Variants in SLC25A21 observed in about 807,000 individuals in gnomAD.
The protein encoded by SLC25A21 is mitochondrial 2-oxodicarboxylate carrier.
In SLC25A21, 47 loss-of-function variants were observed where a neutral mutation model predicts 43.8. That is an observed-to-expected ratio of 1.07 (90% CI 0.85 to 1.37). The LOEUF is 1.37. SLC25A21 is among the 40% of genes most tolerant of loss of function. The probability of loss-of-function intolerance (pLI) is 0.00; values close to 1 mark genes in which losing one functional copy is unlikely to be tolerated. For missense variants in SLC25A21, 352 were observed against 350.2 expected (o/e 1.00, Z -0.04); for synonymous variants, 131 against 121.3 (o/e 1.08, Z -0.52).
chr14:36,940,702 T>G (rs922175724), intron 1 of SLC25A21, among the ~76,000 whole-genome samples: 1 of 152,154 alleles, frequency 6.6e-6, no homozygotes, highest in African/African-American at 2.4e-5. Context: ...ACTGAAATCT[T>G]TTCATTGAAC....
intron 2 of SLC25A21, among the ~76,000 whole-genome samples, chr14:36,835,512 C>T (rs1400545551): frequency 6.6e-6 from 1 of 152,164 alleles, no homozygotes; most frequent in Non-Finnish European, 1.5e-5. Context: ...AGAAACCTTT[C>T]ATTGGTCATA....
At chr14:36,921,053 T>C (rs568599137) in intron 1 of SLC25A21, among the ~76,000 whole-genome samples, 24 of 152,234 alleles carry the variant, frequency 1.6e-4, no homozygotes, top group South Asian at 1.2e-3. Context: ...GGTGGATCTC[T>C]TTGCTTTTAA....
intron 2 of SLC25A21, among the ~76,000 whole-genome samples, chr14:36,858,266 C>T (rs2138527008): frequency 6.6e-6 from 1 of 152,282 alleles, no homozygotes; most frequent in South Asian, 2.1e-4. Context: ...CCCTCCAGAG[C>T]CTTGTATGCA....
intron 1 of SLC25A21, among the ~76,000 whole-genome samples, chr14:37,084,100 C>G (rs1306876502): frequency 6.6e-6 from 1 of 152,156 alleles, no homozygotes; most frequent in Non-Finnish European, 1.5e-5. Context: ...TCAGAAGTGC[C>G]ACAGCTTGAA....
chr14:37,103,657 C>T (rs905006418), intron 1 of SLC25A21, among the ~76,000 whole-genome samples: 1 of 152,132 alleles, frequency 6.6e-6, no homozygotes, highest in African/African-American at 2.4e-5. Flanking sequence ...TCTTTCTCTG[C>T]CACTTCAAAT....
At chr14:36,788,227 T>C (rs1292935930) in intron 3 of SLC25A21, among the ~76,000 whole-genome samples, 8 of 152,086 alleles carry the variant, frequency 5.3e-5, no homozygotes, top group Non-Finnish European at 1.0e-4. Flanking sequence ...ACTATGAGCT[T>C]AATGGCTGAT....
chr14:37,156,831 T>C (rs1204371979), intron 1 of SLC25A21, among the ~76,000 whole-genome samples: 1 of 152,154 alleles, frequency 6.6e-6, no homozygotes, highest in African/African-American at 2.4e-5. Context: ...ACAGTAACAG[T>C]GGAAGACTTC....
At chr14:36,690,257 T>G (rs1018137221) in intron 7 of SLC25A21, among the ~76,000 whole-genome samples, 2 of 152,196 alleles carry the variant, frequency 1.3e-5, no homozygotes, top group East Asian at 3.8e-4. Flanking sequence ...TTTTTCACAC[T>G]GTTAAGAGTA....
intron 3 of SLC25A21, among the ~76,000 whole-genome samples, chr14:36,740,562 T>G (rs905820775): frequency 6.6e-6 from 1 of 152,188 alleles, no homozygotes; most frequent in African/African-American, 2.4e-5. Flanking sequence ...AGCTCACACA[T>G]AGCTTATTTG....
chr14:36,824,434 T>G (rs1420546492), intron 2 of SLC25A21, among the ~76,000 whole-genome samples: 1 of 152,164 alleles, frequency 6.6e-6, no homozygotes, highest in Non-Finnish European at 1.5e-5. Context: ...TTCAAAAGCA[T>G]TTCATGGATG....
intron 1 of SLC25A21, among the ~76,000 whole-genome samples, chr14:37,077,024 T>TA (rs1449717402): frequency 6.6e-6 from 1 of 152,208 alleles, no homozygotes; most frequent in East Asian, 1.9e-4. Context: ...TCTGATGGCA[T>TA]AAAAAATTTG....
intron 1 of SLC25A21, among the ~76,000 whole-genome samples, chr14:36,915,645 A>T (rs1469321564): frequency 6.6e-6 from 1 of 152,054 alleles, no homozygotes; most frequent in Admixed American, 6.6e-5. Context: ...GGAACATCTG[A>T]CTTTAATTGA....
At position 36,788,516 on chromosome 14, in the gene SLC25A21, A is replaced by C. The variant is rs553230074; in HGVS notation, c.203+25402T>G. On this transcript the variant is annotated intron_variant, in intron 3 of 9. Coordinates refer to ENST00000331299, the MANE Select transcript of SLC25A21 (RefSeq NM_030631.4). ...GCCCACCCCCTTTACGGATCACCTGAGCCCAAGCACCAGGCCGCCCTTTAA... is the reference window on the plus strand; with the variant it reads ...GCCCACCCCCTTTACGGATCACCTGCGCCCAAGCACCAGGCCGCCCTTTAA... The C allele has an allele frequency of 5.4e-5, 8 of 148,842 alleles. No individual in the cohort carries two copies. In the East Asian group the frequency reaches 1.4e-3, roughly 26 times the overall value. 9.2% of individuals were successfully genotyped at this position (148,842 alleles called of 1,614,324 possible). A position where few individuals can be genotyped will look rare whatever the true frequency, so the allele number is the denominator to read the frequency against.
At chr14:37,088,851 C>G (rs1962531542) in intron 1 of SLC25A21, among the ~76,000 whole-genome samples, 1 of 152,170 alleles carries the variant, frequency 6.6e-6, no homozygotes, top group Non-Finnish European at 1.5e-5. Flanking sequence ...AGAATACTAA[C>G]CAGCATTATT....
At chr14:37,038,845 C>A (rs1961382732) in intron 1 of SLC25A21, among the ~76,000 whole-genome samples, 2 of 152,138 alleles carry the variant, frequency 1.3e-5, no homozygotes, top group South Asian at 4.1e-4. Flanking sequence ...AGCCTGACGT[C>A]CTGTGGCCCC....
Position 37,051,298 on chromosome 14 carries a change from G to A in SLC25A21, c.70+120983C>T, listed in dbSNP as rs572176911. ...AAGGGGCAGAAGGAATATTGTTTGT[G>A]ACAGACTAGGGGCTTGGAACAGCAT... On this transcript the variant is annotated intron_variant, in intron 1 of 9. Transcript: ENST00000331299. Among the ~76,000 whole-genome samples the A allele has an allele frequency of 2.6e-5, 4 of 152,302 alleles. No homozygotes were observed. The East Asian group carries it at 7.7e-4, about 29-fold the overall frequency.
intron 6 of SLC25A21, among the ~76,000 whole-genome samples, chr14:36,721,539 G>A (rs1884374295): frequency 6.6e-6 from 1 of 152,228 alleles, no homozygotes; most frequent in Non-Finnish European, 1.5e-5. Flanking sequence ...AAAGTGTAAT[G>A]AGAACTTCAG....
chr14:36,988,875 T>C (rs1484951474), intron 1 of SLC25A21, among the ~76,000 whole-genome samples: 1 of 152,178 alleles, frequency 6.6e-6, no homozygotes, highest in Non-Finnish European at 1.5e-5. Context: ...TTGAAGTCTG[T>C]CAGTTACCTG....
At chr14:36,760,886 G>A (rs1253791691) in intron 3 of SLC25A21, among the ~76,000 whole-genome samples, 1 of 151,526 alleles carries the variant, frequency 6.6e-6, no homozygotes, top group Non-Finnish European at 1.5e-5. Flanking sequence ...AAAGAGAAAG[G>A]GGAAAAAAAG....
Sources: gnomAD v4.1 joint callset for allele counts (sites outside exome capture counted in the v4.1 genomes callset) on GRCh38, gnomAD v4.1.1 for gene constraint, MANE v1.5 for transcripts, NCBI Gene and HGNC (gene_info 2026-07-23, HGNC 2026-07-21) for gene names.